DCDC2: variants seen among roughly 807,000 people sequenced by gnomAD.
The protein encoded by DCDC2 is doublecortin domain containing 2.
DCDC2 carries 40 observed loss-of-function variants against 50.2 expected under a neutral mutation model. The ratio of observed to expected loss-of-function variants is 0.80; its 90% CI spans 0.62 to 1.04. The LOEUF is 1.04. DCDC2 is among the 50% of genes least tolerant of loss of function. The probability of loss-of-function intolerance (pLI) is 0.00; values close to 1 mark genes in which losing one functional copy is unlikely to be tolerated. For missense variants in DCDC2, 570 were observed against 581.9 expected, an observed-to-expected ratio of 0.98 and a Z score of 0.21; for synonymous variants, 234 against 210.6, an observed-to-expected ratio of 1.11 and a Z score of -0.96.
chr6:24,277,621 G>A (rs1384430397), intron 7 of DCDC2, among the ~76,000 whole-genome samples: 1 of 152,066 alleles, frequency 6.6e-6, no homozygotes, highest in Admixed American at 6.5e-5. Context: ...TCTATTTAGT[G>A]TTCTCTTGGT....
chr6:24,340,776 A>G (rs778537658), intron 2 of DCDC2, among the ~76,000 whole-genome samples: 3 of 152,180 alleles, frequency 2.0e-5, no homozygotes, highest in Non-Finnish European at 4.4e-5. Flanking sequence ...CCCAGACTGG[A>G]GTGCAGTGGC....
At chr6:24,306,539 T>TAGACAGACAGACAGACAGAC (rs1276949309) in intron 2 of DCDC2, among the ~76,000 whole-genome samples, 5 of 108,418 alleles carry the variant, frequency 4.6e-5, no homozygotes, top group African/African-American at 1.0e-4. Context: ...GATAGATAGA[T>TAGACAGACAGACAGACAGAC]AGATAGACAG....
intron 2 of DCDC2, among the ~76,000 whole-genome samples, chr6:24,331,095 A>G (rs777035516): frequency 1.3e-5 from 2 of 152,136 alleles, no homozygotes; most frequent in Non-Finnish European, 2.9e-5. Flanking sequence ...TCTTTCACTC[A>G]AACAGCTAAT....
chr6:24,298,843 T>C (rs929610054), intron 4 of DCDC2, among the ~76,000 whole-genome samples: 1 of 152,320 alleles, frequency 6.6e-6, no homozygotes, highest in Non-Finnish European at 1.5e-5. Context: ...TGGAAGGCAA[T>C]TGGCAGTATC....
intron 9 of DCDC2, among the ~76,000 whole-genome samples, chr6:24,177,041 GA>G (rs34908116): frequency 6.6e-6 from 1 of 152,072 alleles, no homozygotes; most frequent in African/African-American, 2.4e-5. Flanking sequence ...TAGACCACTG[GA>G]AAAAAATCAT....
chr6:24,172,996 A>AATAATAATAATT lies in DCDC2; in HGVS notation c.*1733_*1734insAATTATTATTAT, dbSNP rs1217643684. ...GCAAGACTTCATCTCAAAAAATAATAATAATAATAATAATAATAATAATAA... is the reference window on the plus strand; with the variant it reads ...GCAAGACTTCATCTCAAAAAATAATAATAATAATAATTATAATAATAATAATAATAATAATAA... On this transcript the variant is annotated 3_prime_UTR_variant, in exon 10 of 10. Transcript: ENST00000378454. 8.8e-6 allele frequency: 1 copy of AATAATAATAATT among 113,354 alleles called. No individual in the cohort carries two copies. Among genetic ancestry groups the AATAATAATAATT allele is most frequent in the East Asian group, 1.9e-4 (1 of 5,132 alleles). 7.0% of individuals were successfully genotyped at this position (113,354 alleles called of 1,614,324 possible). A position where few individuals can be genotyped will look rare whatever the true frequency, so the allele number is the denominator to read the frequency against.
intron 2 of DCDC2, among the ~76,000 whole-genome samples, chr6:24,328,683 G>A (rs984219120): frequency 2.7e-4 from 41 of 152,002 alleles, no homozygotes; most frequent in African/African-American, 7.5e-4. Flanking sequence ...CTGATTTTTC[G>A]AAAACCACCT....
intron 8 of DCDC2, among the ~76,000 whole-genome samples, chr6:24,198,253 T>C (rs1462193135): frequency 3.3e-5 from 5 of 149,602 alleles, no homozygotes; most frequent in African/African-American, 1.2e-4. Flanking sequence ...CAGCTCCCAG[T>C]GAGATCAACA....
intron 8 of DCDC2, among the ~76,000 whole-genome samples, chr6:24,179,750 T>C (rs793855): frequency 5.9e-4 from 87 of 146,578 alleles, no homozygotes; most frequent in African/African-American, 1.4e-3. Flanking sequence ...GTCAGGAGAT[T>C]GAGACCATCC....
At chr6:24,246,103 G>A (rs1008013799) in intron 7 of DCDC2, among the ~76,000 whole-genome samples, 31 of 152,064 alleles carry the variant, frequency 2.0e-4, no homozygotes, top group African/African-American at 7.2e-4. Flanking sequence ...AGGGATTACA[G>A]GTATAAGCCA....
intron 7 of DCDC2, among the ~76,000 whole-genome samples, chr6:24,262,933 T>C (rs966401146): frequency 6.6e-6 from 1 of 152,236 alleles, no homozygotes; most frequent in Non-Finnish European, 1.5e-5. Context: ...AGTGTTGCCC[T>C]GGCTTTAGGT....
At chr6:24,315,408 C>T (rs1048967257) in intron 2 of DCDC2, among the ~76,000 whole-genome samples, 1 of 152,066 alleles carries the variant, frequency 6.6e-6, no homozygotes, top group Non-Finnish European at 1.5e-5. Flanking sequence ...TAAGAGGCAC[C>T]CCACATTCTG....
intron 7 of DCDC2, among the ~76,000 whole-genome samples, chr6:24,231,133 G>A (rs764889282): frequency 2.0e-5 from 3 of 152,238 alleles, no homozygotes; most frequent in Non-Finnish European, 4.4e-5. Flanking sequence ...AAGAGATGTT[G>A]CTGGGTGCCA....
chr6:24,183,719 TGA>T (rs1281162634), intron 8 of DCDC2, among the ~76,000 whole-genome samples: 1 of 152,170 alleles, frequency 6.6e-6, no homozygotes, highest in African/African-American at 2.4e-5. Context: ...TAAGCAGTAC[TGA>T]GAGTTCCCGG....
chr6:24,214,355 C>A (rs1761933330), intron 7 of DCDC2, among the ~76,000 whole-genome samples: 2 of 152,102 alleles, frequency 1.3e-5, no homozygotes, highest in Non-Finnish European at 2.9e-5. Context: ...TCATTGATTT[C>A]CCAGATCACA....
In DCDC2 at chr6:24,186,552, C is replaced by T. The variant is rs536264830; in HGVS notation, c.1024-7920G>A. Among the ~76,000 whole-genome samples the T allele has an allele frequency of 1.6e-4, 25 of 152,304 alleles. 1 individual carries two copies. Among genetic ancestry groups the T allele is most frequent in the Admixed American group, 1.4e-3 (21 of 15,298 alleles). On this transcript the variant is annotated intron_variant, in intron 8 of 9. Transcript: ENST00000378454. ...TCCCCTCAGTAGCTGAAAAACTGGT[C>T]GCCATGGTAACAAGGCACGTGGCTA...
the DCDC2 span, among the ~76,000 whole-genome samples, chr6:24,364,250 A>T: frequency 6.6e-6 from 1 of 152,166 alleles, no homozygotes; most frequent in African/African-American, 2.4e-5. Flanking sequence ...AATTATAAGT[A>T]TAAATTTTTA....
intron 7 of DCDC2, among the ~76,000 whole-genome samples, chr6:24,226,875 G>T (rs1029446586): frequency 1.3e-5 from 2 of 152,182 alleles, no homozygotes; most frequent in Admixed American, 6.5e-5. Context: ...GATCCACAAA[G>T]AATGAATTTG....
At position 24,328,514 on chromosome 6, in the gene DCDC2, G is replaced by C. The variant is rs201746144; in HGVS notation, c.348+25055C>G. On this transcript the variant is annotated intron_variant, in intron 2 of 9. Coordinates refer to ENST00000378454, the MANE Select transcript of DCDC2 (RefSeq NM_016356.5). ...GCTTTTGGGACTTGTTATAGCCAGA[G>C]CCCCCTTCTGCCAAGTTTGAGGGCC... Among the ~76,000 whole-genome samples, 3 of 152,140 alleles carry C rather than the reference G, an allele frequency of 2.0e-5. No individual in the cohort carries two copies. The East Asian group carries it at 5.8e-4, about 29-fold the overall frequency.
Sources: allele counts gnomAD v4.1 joint callset (sites outside exome capture counted in the v4.1 genomes callset), GRCh38; gene constraint gnomAD v4.1.1; transcripts MANE v1.5; gene names NCBI Gene and HGNC (gene_info 2026-07-23, HGNC 2026-07-21).